The following ADNP variants were observed in gnomAD, a reference collection of about 807,000 sequenced individuals.
The protein encoded by ADNP is activity dependent neuroprotector homeobox.
ADNP carries 4 observed loss-of-function variants against 84.9 expected under a neutral mutation model. The ratio of observed to expected loss-of-function variants is 0.05; its 90% CI spans 0.02 to 0.11. The LOEUF is 0.11. Among genes scored for constraint, ADNP ranks in the 10% least tolerant of loss-of-function variants. ADNP has a pLI of 1.00. For missense variants in ADNP, 1,132 were observed against 1,326.0 expected (o/e 0.85, Z 2.27); for synonymous variants, 554 against 468.1 (o/e 1.18, Z -2.37).
chr20:50,925,291 CTACA>C (rs1568746632), intron 2 of ADNP, among the ~76,000 whole-genome samples: 1 of 150,114 alleles, frequency 6.7e-6, no homozygotes, highest in Non-Finnish European at 1.5e-5. Context: ...CACACACACA[CTACA>C]TAATCAAGTT....
At chr20:50,896,490 C>CT (rs1397075193) in intron 5 of ADNP, among the ~76,000 whole-genome samples, 1 of 152,008 alleles carries the variant, frequency 6.6e-6, no homozygotes, top group Non-Finnish European at 1.5e-5. Flanking sequence ...ACTCAGGAGA[C>CT]TGAGGTTGCA....
At chr20:50,914,358 G>A (rs1983332149) in intron 2 of ADNP, 1 of 637,548 alleles carries the variant, frequency 1.6e-6, no homozygotes, top group Non-Finnish European at 2.9e-6. Context: ...AGTGGCCAAA[G>A]GTGCCCTGGG....
chr20:50,906,998 C>T (rs1266617660), intron 2 of ADNP, among the ~76,000 whole-genome samples: 2 of 133,234 alleles, frequency 1.5e-5, no homozygotes, highest in African/African-American at 5.7e-5. Context: ...GAGACAGTCT[C>T]GCTCTGTCAC....
intron 2 of ADNP, among the ~76,000 whole-genome samples, chr20:50,925,156 G>GT (rs1984199917): frequency 1.3e-5 from 2 of 152,002 alleles, no homozygotes; most frequent in African/African-American, 4.8e-5. Flanking sequence ...ACTAAAAACA[G>GT]TAATATGAAT....
chr20:50,913,131 T>TA (rs1467322882), intron 2 of ADNP, among the ~76,000 whole-genome samples: 2 of 151,714 alleles, frequency 1.3e-5, no homozygotes, highest in African/African-American at 2.4e-5. Context: ...CACATACCTG[T>TA]AATCCCAGCT....
chr20:50,898,370 T>G (rs1981623615), intron 5 of ADNP, among the ~76,000 whole-genome samples: 1 of 152,154 alleles, frequency 6.6e-6, no homozygotes, highest in South Asian at 2.1e-4. Flanking sequence ...ACTTTTTGCT[T>G]TGGGATCATC....
intron 2 of ADNP, chr20:50,914,058 T>G (rs1207478740): frequency 1.3e-6 from 1 of 744,274 alleles, no homozygotes; most frequent in Non-Finnish European, 2.5e-6. Flanking sequence ...CTCCCCTACA[T>G]CATGCAGCTT....
At chr20:50,920,878 G>A (rs1479425017) in intron 2 of ADNP, among the ~76,000 whole-genome samples, 4 of 152,158 alleles carry the variant, frequency 2.6e-5, no homozygotes, top group Non-Finnish European at 5.9e-5. Context: ...TCCTTAACAA[G>A]AGGTAGGGTG....
intron 2 of ADNP, among the ~76,000 whole-genome samples, chr20:50,924,658 G>GGCCA (rs1447301867): frequency 6.6e-6 from 1 of 152,128 alleles, no homozygotes; most frequent in Admixed American, 6.5e-5. Flanking sequence ...ATACCATAAA[G>GGCCA]GCCAGCAAGG....
chr20:50,891,881 G>C lies in ADNP; in HGVS notation c.2833C>G (p.Pro945Ala). ...KYETIHLTEE[P>A]TKLMHNASDS... Reference sequence around the variant, plus strand: ...GATGCATTGTGCATTAGTTTGGTTGGTTCCTCAGTCAAATGAATAGTTTCG... The same window carrying C: ...GATGCATTGTGCATTAGTTTGGTTGCTTCCTCAGTCAAATGAATAGTTTCG... Residue 945 changes from proline (P) to alanine (A), a missense_variant, in exon 6 of 6, where the codon CCA (proline) becomes GCA (alanine). Coordinates refer to ENST00000621696, the MANE Select transcript of ADNP (RefSeq NM_001282531.3). 6.2e-7 allele frequency: 1 copy of C among 1,614,164 alleles called. No homozygotes were observed. The highest frequency in any genetic ancestry group is 8.5e-7 in the Non-Finnish European group (1 of 1,180,036).
chr20:50,909,652 A>G (rs184581636), intron 2 of ADNP: 1 of 152,212 alleles, frequency 6.6e-6, no homozygotes, highest in East Asian at 1.9e-4. Flanking sequence ...GCCAGCCCTC[A>G]ATCAGTAGGG....
At chr20:50,913,250 CAAAAAAAAAAAAAAAAAAAAAAAAAA>C (rs56911332) in intron 2 of ADNP, among the ~76,000 whole-genome samples, 5 of 42,892 alleles carry the variant, frequency 1.2e-4, no homozygotes, top group African/African-American at 1.6e-4. Context: ...GACTCTGTCT[CAAAAAAAAAAAAAAAAAAAAAAAAAA>C]AAAAAAAAAA....
chr20:50,911,676 A>G (rs1169685485), intron 2 of ADNP, among the ~76,000 whole-genome samples: 6 of 152,184 alleles, frequency 3.9e-5, no homozygotes, highest in Non-Finnish European at 8.8e-5. Flanking sequence ...CAGAGCTACC[A>G]CATCAAGGAT....
intron 2 of ADNP, among the ~76,000 whole-genome samples, chr20:50,917,464 C>T (rs1056598300): frequency 6.6e-6 from 1 of 152,200 alleles, no homozygotes; most frequent in African/African-American, 2.4e-5. Context: ...ATGGTAATAT[C>T]TTGTAAAATG....
intron 2 of ADNP, among the ~76,000 whole-genome samples, chr20:50,920,232 A>G (rs567001954): frequency 7.1e-6 from 1 of 140,570 alleles, no homozygotes; most frequent in South Asian, 2.3e-4. Context: ...ACTGCACTCC[A>G]GCCTGGGCAA....
At chr20:50,922,578 G>T (rs77302010) in intron 2 of ADNP, among the ~76,000 whole-genome samples, 36 of 125,464 alleles carry the variant, frequency 2.9e-4, no homozygotes, top group Non-Finnish European at 4.3e-4. Flanking sequence ...GTCCTCCTGC[G>T]TTTTTTTTTT....
chr20:50,921,430 TAC>T (rs977856095), intron 2 of ADNP, among the ~76,000 whole-genome samples: 4 of 152,248 alleles, frequency 2.6e-5, no homozygotes, highest in African/African-American at 9.6e-5. Context: ...CCAGGTGACT[TAC>T]AGTTATGTAG....
At chr20:50,913,984 G>C (rs1983299643) in intron 2 of ADNP, 1 of 743,992 alleles carries the variant, frequency 1.3e-6, no homozygotes, top group Non-Finnish European at 2.5e-6. Flanking sequence ...TGGCCAGAAT[G>C]AGACTGTAAA....
At position 50,893,853 on chromosome 20, in the gene ADNP, G is replaced by A. The variant is rs749666251; in HGVS notation, c.861C>T (p.Ile287=). Residue 287 remains isoleucine (I), a synonymous_variant, in exon 6 of 6, where the codon ATC becomes ATT. Transcript: ENST00000621696. The surrounding 1 kb of genome is among the most constrained non-coding windows in gnomAD (Gnocchi z 4.4). ...DKKSMGLPPR[I]GSLASGNVRS... ...GGACATTTCCAGAAGCAAGGGAACCGATCCTTGGTGGGAGTCCCATGCTCT... is the reference window on the plus strand; with the variant it reads ...GGACATTTCCAGAAGCAAGGGAACCAATCCTTGGTGGGAGTCCCATGCTCT... 1.5e-5 allele frequency: 24 copies of A among 1,614,074 alleles called. No individual in the cohort carries two copies. The highest frequency in any genetic ancestry group is 9.3e-5 in the African/African-American group (7 of 74,916).
Sources: gnomAD v4.1 joint callset for allele counts (sites outside exome capture counted in the v4.1 genomes callset) on GRCh38, gnomAD v4.1.1 for gene constraint, Gnocchi (gnomAD v3.1) non-coding constraint, MANE v1.5 for transcripts, NCBI Gene and HGNC (gene_info 2026-07-23, HGNC 2026-07-21) for gene names.